The following SEC24C variants were observed in gnomAD, a reference collection of about 807,000 sequenced individuals.
SEC24C encodes SEC24 homolog C, COPII component.
A neutral mutation model predicts 117.0 loss-of-function variants in SEC24C; 22 were observed. The ratio of observed to expected loss-of-function variants is 0.19; its 90% CI spans 0.13 to 0.27. The LOEUF (loss-of-function observed/expected upper bound fraction) is 0.27. Ranked by LOEUF, SEC24C falls within the 10% of genes least tolerant of loss-of-function variation. SEC24C has a pLI of 1.00. For synonymous variants in SEC24C, 506 were observed against 529.4 expected (o/e 0.96, Z 0.61); for missense variants, 1,155 against 1,375.1 (o/e 0.84, Z 2.53).
In SEC24C at chr10:73,765,587, A is replaced by G; in HGVS notation, c.1364A>G (p.Asp455Gly). The change falls in exon 9 of 23, where the codon GAT becomes GGT. Residue 455 changes from aspartate (D) to glycine (G), a missense_variant and splice_region_variant. Physicochemically the swap from Asp to Gly is moderately conservative, Grantham distance 94. Coordinates refer to ENST00000345254, the MANE Select transcript of SEC24C (RefSeq NM_198597.3). ...FQCCFCSCINDVPPQYFQHLD... is the reference protein window; with the variant it reads ...FQCCFCSCINGVPPQYFQHLD... Reference sequence around the variant, plus strand: ...TGCTGTTTTTGCAGCTGTATCAATGATGGTATGTTCATGGAAGCTGGGATT... The same window carrying G: ...TGCTGTTTTTGCAGCTGTATCAATGGTGGTATGTTCATGGAAGCTGGGATT... 1.9e-6 allele frequency: 3 copies of G among 1,613,504 alleles called. No individual in the cohort carries two copies. The highest frequency in any genetic ancestry group is 1.7e-6 in the Non-Finnish European group (2 of 1,179,422).
intron 2 of SEC24C, among the ~76,000 whole-genome samples, chr10:73,749,411 C>G (rs1485485382): frequency 6.6e-6 from 1 of 152,124 alleles, no homozygotes; most frequent in Non-Finnish European, 1.5e-5. Context: ...CTTCTGATAT[C>G]CATCCTTTTC....
At chr10:73,764,262 C>T (rs896961841) in intron 8 of SEC24C, among the ~76,000 whole-genome samples, 14 of 152,018 alleles carry the variant, frequency 9.2e-5, no homozygotes, top group Non-Finnish European at 2.1e-4. Flanking sequence ...CAGTGGCTCA[C>T]GCCTGTAATC....
chr10:73,754,675 G>T (rs746698356), intron 3 of SEC24C, among the ~76,000 whole-genome samples: 1 of 152,206 alleles, frequency 6.6e-6, no homozygotes, highest in East Asian at 1.9e-4. Flanking sequence ...CAAGACTGAT[G>T]CTAGGACTGG....
Position 73,769,409 on chromosome 10 carries a change from G to A in SEC24C, c.2487G>A (p.Leu829=). 6.2e-7 allele frequency: 1 copy of A among 1,614,122 alleles called. No individual in the cohort carries two copies. Among genetic ancestry groups the A allele is most frequent in the Non-Finnish European group, 8.5e-7 (1 of 1,180,020 alleles). Reference sequence around the variant, plus strand: ...GGCTCCGCATCCATAATCTGGCCCTGAACTGCTGCACCCAGCTGGCTGATC... The same window carrying A: ...GGCTCCGCATCCATAATCTGGCCCTAAACTGCTGCACCCAGCTGGCTGATC... The part of the protein sequence containing the change: ...QRRLRIHNLA[L]NCCTQLADLY... The change falls in exon 18 of 23, where the codon CTG becomes CTA. Residue 829 remains leucine (L), a synonymous_variant. Coordinates refer to ENST00000345254, the MANE Select transcript of SEC24C (RefSeq NM_198597.3). The surrounding 1 kb of genome is among the most constrained non-coding windows in gnomAD (Gnocchi z 4.5).
At position 73,760,077 on chromosome 10, in the gene SEC24C, T is replaced by C. The variant is rs778840538; in HGVS notation, c.541T>C (p.Ser181Pro). Residue 181 changes from serine (S) to proline (P), a missense_variant, in exon 5 of 23, where the codon TCC becomes CCC. Transcript: ENST00000345254. ...TTTCCCTAACTCTGGTCTGTATGGC[T>C]CCTATCCTCAGGGCCAGGCTCCTCC... is the stretch of plus-strand genomic sequence containing the variant. ...GSFPNSGLYG[S>P]YPQGQAPPLS... The C allele has an allele frequency of 3.7e-6, 6 of 1,612,122 alleles. No individual in the cohort carries two copies. Among genetic ancestry groups the C allele is most frequent in the Non-Finnish European group, 5.1e-6 (6 of 1,178,558 alleles).
chr10:73,748,110 T>A (rs1441875998), intron 2 of SEC24C, among the ~76,000 whole-genome samples: 1 of 151,754 alleles, frequency 6.6e-6, no homozygotes, highest in Non-Finnish European at 1.5e-5. Context: ...CCTGTTTTTT[T>A]ATTTTATTTT....
chr10:73,752,429 T>C (rs1222018011), intron 3 of SEC24C, among the ~76,000 whole-genome samples: 1 of 151,820 alleles, frequency 6.6e-6, no homozygotes, highest in East Asian at 1.9e-4. Flanking sequence ...TGGTCAGGAG[T>C]GTTGTTTGTG....
intron 3 of SEC24C, chr10:73,752,068 C>T (rs1201120053): frequency 6.6e-6 from 1 of 152,130 alleles, no homozygotes; most frequent in African/African-American, 2.4e-5. Flanking sequence ...CCCATCTTAG[C>T]ATGAAAGTCC....
rs2082967990 is a variant in SEC24C, at chr10:73,770,810, C to A, written c.3144+12C>A. The A allele has an allele frequency of 1.2e-6, 2 of 1,613,754 alleles. No individual in the cohort carries two copies. The highest frequency in any genetic ancestry group is 1.7e-5 in the Admixed American group (1 of 60,004). ...CCCGGTACATGAAGGTAACACTGAT[C>A]TGAACCCTGGATTTCTTACCTTGTC... is the stretch of plus-strand genomic sequence containing the variant. On this transcript the variant is annotated intron_variant, in intron 22 of 22. Coordinates refer to ENST00000345254, the MANE Select transcript of SEC24C (RefSeq NM_198597.3).
chr10:73,751,347 G>A, intron 3 of SEC24C, 104 bp downstream of exon 3: 6 of 1,173,802 alleles, frequency 5.1e-6, no homozygotes, highest in South Asian at 1.7e-5. Context: ...GATCACCTGA[G>A]GTCAGGAGTT....
chr10:73,752,997 C>T (rs2082663070), intron 3 of SEC24C, among the ~76,000 whole-genome samples: 1 of 152,118 alleles, frequency 6.6e-6, no homozygotes, highest in Admixed American at 6.5e-5. Flanking sequence ...TTCTCTCCCT[C>T]CCCTCATAAA....
At chr10:73,766,301 G>T in intron 11 of SEC24C, 49 bp from the exon 12 acceptor site, 1 of 1,581,966 alleles carries the variant, frequency 6.3e-7, no homozygotes. Flanking sequence ...ATGAAGTTGT[G>T]GGTGGTGGAA....
At chr10:73,760,538 G>C in intron 5 of SEC24C, 152 bp downstream of exon 5, 1 of 1,206,782 alleles carries the variant, frequency 8.3e-7, no homozygotes, top group Non-Finnish European at 1.1e-6. Flanking sequence ...TATGGGGTTT[G>C]TAAGACATTA....
In SEC24C at chr10:73,771,315, T is replaced by C; in HGVS notation, c.*220T>C. ...CCCCTGTTCCCTCATTCTACCCTCT[T>C]TTTCCTGCTAATCCTGTCATAATGA... is the stretch of plus-strand genomic sequence containing the variant. On this transcript the variant is annotated 3_prime_UTR_variant, in exon 23 of 23. Transcript: ENST00000345254. 3.5e-6 allele frequency: 2 copies of C among 565,960 alleles called. No homozygotes were observed. The highest frequency in any genetic ancestry group is 6.2e-6 in the Non-Finnish European group (2 of 320,992). The allele number at this position is 565,960 out of a possible 1,614,324, so 35.1% of individuals were successfully genotyped here. A position where few individuals can be genotyped will look rare whatever the true frequency, so the allele number is the denominator to read the frequency against.
intron 6 of SEC24C, chr10:73,762,241 T>A: frequency 1.0e-6 from 1 of 993,266 alleles, no homozygotes; most frequent in Non-Finnish European, 1.4e-6. Flanking sequence ...TGACCTCATC[T>A]TCACCTCATC....
At chr10:73,766,691 G>T (rs1353445752) in intron 12 of SEC24C, 69 bp from the exon 13 acceptor site, 4 of 1,493,402 alleles carry the variant, frequency 2.7e-6, no homozygotes, top group Non-Finnish European at 3.7e-6. Flanking sequence ...ACTCTTCAGG[G>T]AATCGAGAAC....
Position 73,763,524 on chromosome 10 carries a change from G to A in SEC24C, c.1022G>A (p.Gly341Asp), listed in dbSNP as rs201403781. Residue 341 changes from glycine (G) to aspartate (D), a missense_variant, in exon 7 of 23, where the codon GGT (glycine) becomes GAT (aspartate). Physicochemically the swap from Gly to Asp is moderately conservative, Grantham distance 94. This residue lies in a region of SEC24C where 759 missense variants were observed against 992.3 expected (regional missense o/e 0.76). Coordinates refer to ENST00000345254, the MANE Select transcript of SEC24C (RefSeq NM_198597.3). ...QVIEDDRNNR[G>D]TEPFVTGVRG... is the part of the protein sequence containing the mutation. The stretch of plus-strand genomic sequence containing the variant: ...ATTGAAGATGACAGGAACAACCGGG[G>A]TACAGAGCCATTTGTTACTGGAGTA... 1.2e-6 allele frequency: 2 copies of A among 1,613,668 alleles called. No individual in the cohort carries two copies. The highest frequency in any genetic ancestry group is 2.2e-5 in the East Asian group (1 of 44,874).
Position 73,760,334 on chromosome 10 carries a change from A to G in SEC24C, c.798A>G (p.Pro266=), listed in dbSNP as rs750032495. ...CCCAGATGACTGGGCCCCTGGGACC[A>G]CTGCCACCTATGCACTCCCCGCAGC... ...PGTQMTGPLG[P]LPPMHSPQQP... The change falls in exon 5 of 23, where the codon CCA becomes CCG. Residue 266 remains proline (P), a synonymous_variant. Transcript: ENST00000345254. 1.2e-6 allele frequency: 2 copies of G among 1,610,982 alleles called. No individual in the cohort carries two copies. Among genetic ancestry groups the G allele is most frequent in the Admixed American group, 3.3e-5 (2 of 60,016 alleles).
chr10:73,761,643 T>C (rs544635712), intron 6 of SEC24C, among the ~76,000 whole-genome samples: 1 of 152,292 alleles, frequency 6.6e-6, no homozygotes, highest in South Asian at 2.1e-4. Context: ...AGGGAGCCTG[T>C]TGGCCAAGGA....
Sources: gnomAD v4.1 joint callset for allele counts (sites outside exome capture counted in the v4.1 genomes callset) on GRCh38, gnomAD v4.1.1 for gene constraint, gnomAD v4.1.1 regional missense constraint, Gnocchi (gnomAD v3.1) non-coding constraint, MANE v1.5 for transcripts, NCBI Gene and HGNC (gene_info 2026-07-23, HGNC 2026-07-21) for gene names.